The following NLGN1 variants were observed in gnomAD, a reference collection of about 807,000 sequenced individuals.
NLGN1 encodes neuroligin-1.
Under a neutral mutation model 65.5 loss-of-function variants are expected in NLGN1, and 12 were observed. The ratio of observed to expected loss-of-function variants is 0.18; its 90% confidence interval spans 0.12 to 0.30. The LOEUF (loss-of-function observed/expected upper bound fraction) is 0.30, where lower values mean the gene tolerates loss of function less well. NLGN1 is among the 10% of genes least tolerant of loss of function. NLGN1 has a pLI of 1.00. For synonymous variants in NLGN1, 350 were observed against 359.5 expected (o/e 0.97, Z 0.30); for missense variants, 750 against 1,007.1 (o/e 0.74, Z 3.46).
intron 4 of NLGN1, among the ~76,000 whole-genome samples, chr3:173,830,024 G>T (rs1160539544): frequency 1.3e-5 from 2 of 149,002 alleles, no homozygotes; most frequent in African/African-American, 5.0e-5. Context: ...GGGAGGGAGA[G>T]AATAAAAAGA....
intron 4 of NLGN1, among the ~76,000 whole-genome samples, chr3:174,237,102 T>C (rs1291232642): frequency 2.0e-5 from 3 of 152,118 alleles, no homozygotes; most frequent in African/African-American, 4.8e-5. Context: ...TATCATATAA[T>C]TAATTTATTG....
intron 4 of NLGN1, among the ~76,000 whole-genome samples, chr3:173,814,461 G>C (rs1239619412): frequency 6.6e-6 from 1 of 152,128 alleles, no homozygotes; most frequent in African/African-American, 2.4e-5. Flanking sequence ...ACTTTAGATA[G>C]GTAATGATAT....
chr3:173,734,381 ATTTTT>A lies in NLGN1; in HGVS notation c.494-73271_494-73267del, dbSNP rs71162356. Reference sequence around the variant, plus strand: ...ATAATTAGATTCTGTGGATAATTCTATTTTTTTTTTTTTTTTTTTTTTTTTTTTTT... The same window carrying A: ...ATAATTAGATTCTGTGGATAATTCTATTTTTTTTTTTTTTTTTTTTTTTTT... On this transcript the variant is annotated intron_variant, in intron 3 of 6. Coordinates refer to ENST00000457714, the Ensembl canonical transcript of NLGN1. Among the ~76,000 whole-genome samples, 136 of 40,074 alleles carry A rather than the reference ATTTTT, an allele frequency of 3.4e-3. 1 individual carries two copies. The highest frequency in any genetic ancestry group is 0.014 in the African/African-American group (126 of 9,128). 26.3% of individuals were successfully genotyped at this position (40,074 alleles called of 152,430 possible). A position where few individuals can be genotyped will look rare whatever the true frequency, so the allele number is the denominator to read the frequency against.
chr3:173,483,079 T>C (rs983761189), intron 2 of NLGN1, among the ~76,000 whole-genome samples: 1 of 152,086 alleles, frequency 6.6e-6, no homozygotes, highest in African/African-American at 2.4e-5. Context: ...GATTCTGTGG[T>C]ACTCATGTTT....
At chr3:173,541,421 A>G (rs1051962162) in intron 2 of NLGN1, among the ~76,000 whole-genome samples, 9 of 152,140 alleles carry the variant, frequency 5.9e-5, no homozygotes, top group African/African-American at 2.2e-4. Context: ...GGTGCAAAAA[A>G]GAAGGTGAAG....
intron 4 of NLGN1, among the ~76,000 whole-genome samples, chr3:174,040,773 A>T (rs1732118609): frequency 6.6e-6 from 1 of 152,140 alleles, no homozygotes; most frequent in Non-Finnish European, 1.5e-5. Flanking sequence ...TAATAAAGCC[A>T]AAAGAATTTT....
intron 4 of NLGN1, among the ~76,000 whole-genome samples, chr3:174,206,031 G>T (rs190880843): frequency 1.6e-4 from 24 of 152,250 alleles, no homozygotes; most frequent in Admixed American, 1.4e-3. Context: ...TTTGTTCACT[G>T]TAGAACCCAA....
At chr3:173,567,986 G>A (rs945765618) in intron 2 of NLGN1, among the ~76,000 whole-genome samples, 2 of 151,980 alleles carry the variant, frequency 1.3e-5, no homozygotes, top group African/African-American at 4.8e-5. Context: ...AAATAAAAAT[G>A]TATATATTTA....
At chr3:173,576,502 C>T (rs1402782687) in intron 2 of NLGN1, among the ~76,000 whole-genome samples, 1 of 152,164 alleles carries the variant, frequency 6.6e-6, no homozygotes, top group Non-Finnish European at 1.5e-5. Flanking sequence ...TTTTCCCTGG[C>T]TTGTAGCTCC....
At chr3:173,699,066 G>T (rs1396968025) in intron 3 of NLGN1, among the ~76,000 whole-genome samples, 1 of 152,050 alleles carries the variant, frequency 6.6e-6, no homozygotes, top group Non-Finnish European at 1.5e-5. Flanking sequence ...AGGTTGTTCA[G>T]GCTGGTCTCA....
At chr3:173,918,821 A>C (rs1005296677) in intron 4 of NLGN1, among the ~76,000 whole-genome samples, 16 of 152,064 alleles carry the variant, frequency 1.1e-4, no homozygotes, top group Admixed American at 8.5e-4. Context: ...TTATAAAACA[A>C]CATAAATTTA....
rs61203245 is a variant in NLGN1 at position 173,407,916 on chromosome 3, CTCATA to C, written c.-390+9433_-390+9437del. On this transcript the variant is annotated intron_variant, in intron 1 of 6. Coordinates refer to ENST00000457714, the Ensembl canonical transcript of NLGN1. ...TCCTCAGAAAAATTGGTTCATATTA[CTCATA>C]TCAGAAAGAGTTTGCGTCCACTAAA... Among the ~76,000 whole-genome samples, 1,161 of 152,202 alleles carry C rather than the reference CTCATA, an allele frequency of 7.6e-3. 16 individuals are homozygous for C. Among genetic ancestry groups the C allele is most frequent in the African/African-American group, 0.027 (1,108 of 41,528 alleles).
At chr3:173,951,776 T>G (rs1748267309) in intron 4 of NLGN1, among the ~76,000 whole-genome samples, 1 of 152,124 alleles carries the variant, frequency 6.6e-6, no homozygotes, top group African/African-American at 2.4e-5. Flanking sequence ...CAGGTATCAT[T>G]CTTATCTCTG....
chr3:173,746,546 G>A (rs970909303), intron 3 of NLGN1, among the ~76,000 whole-genome samples: 2 of 151,838 alleles, frequency 1.3e-5, no homozygotes, highest in East Asian at 1.9e-4. Flanking sequence ...GTCAGAATTC[G>A]AGTCTGAGTC....
chr3:173,869,321 C>T (rs1395451177), intron 4 of NLGN1, among the ~76,000 whole-genome samples: 1 of 152,034 alleles, frequency 6.6e-6, no homozygotes, highest in Non-Finnish European at 1.5e-5. Context: ...GCCTTTAAAA[C>T]AAGTTCTACA....
intron 4 of NLGN1, among the ~76,000 whole-genome samples, chr3:173,899,175 T>A (rs908450607): frequency 3.9e-5 from 6 of 152,096 alleles, no homozygotes; most frequent in African/African-American, 1.4e-4. Context: ...TTCTATTATT[T>A]TAGCAAAGGC....
At chr3:173,615,480 A>G (rs991936562) in intron 3 of NLGN1, among the ~76,000 whole-genome samples, 2 of 152,154 alleles carry the variant, frequency 1.3e-5, no homozygotes, top group African/African-American at 4.8e-5. Flanking sequence ...TAAGTTTGAT[A>G]TGTATTAAAA....
intron 1 of NLGN1, among the ~76,000 whole-genome samples, chr3:173,431,448 CT>C (rs1205810857): frequency 2.6e-5 from 4 of 151,950 alleles, no homozygotes; most frequent in Admixed American, 6.6e-5. Context: ...ACATATATAA[CT>C]TTTTATTTGT....
intron 4 of NLGN1, among the ~76,000 whole-genome samples, chr3:174,004,033 CT>C (rs1295931241): frequency 2.0e-5 from 3 of 152,074 alleles, no homozygotes; most frequent in Non-Finnish European, 4.4e-5. Context: ...TCTGCAATTT[CT>C]TTTTCCATGT....
Sources: gnomAD v4.1 joint callset for allele counts (sites outside exome capture counted in the v4.1 genomes callset) on GRCh38, gnomAD v4.1.1 for gene constraint, MANE v1.5 for transcripts, NCBI Gene and HGNC (gene_info 2026-07-23, HGNC 2026-07-21) for gene names.